The following DPP6 variants were observed in gnomAD, a reference collection of about 807,000 sequenced individuals.
The protein encoded by DPP6 is A-type potassium channel modulatory protein DPP6.
Under a neutral mutation model 122.6 loss-of-function variants are expected in DPP6, and 69 were observed. The observed-to-expected ratio is 0.56, with a 90% CI of 0.46 to 0.69. The LOEUF is 0.69. Ranked by LOEUF, DPP6 falls within the 30% of genes least tolerant of loss-of-function variation. The probability of loss-of-function intolerance (pLI) is 0.00; values close to 1 mark genes in which losing one functional copy is unlikely to be tolerated. For missense variants in DPP6, 928 were observed against 1,116.9 expected (o/e 0.83, Z 2.41); for synonymous variants, 418 against 433.1 (o/e 0.97, Z 0.43).
At position 154,282,399 on chromosome 7, in the gene DPP6, G is replaced by A. The variant is rs766680969; in HGVS notation, c.244-163815G>A. On this transcript the variant is annotated intron_variant, in intron 1 of 25. Transcript: ENST00000377770. The surrounding 1 kb of genome is among the most constrained non-coding windows in gnomAD (Gnocchi z 4.8). Reference sequence around the variant, plus strand: ...CACTGTTAACTGAGCAGAGGCAGCCGTACCTGGGGTGCTGATTAGCACTGT... The same window carrying A: ...CACTGTTAACTGAGCAGAGGCAGCCATACCTGGGGTGCTGATTAGCACTGT... Among the ~76,000 whole-genome samples the A allele has an allele frequency of 1.8e-4, 28 of 152,194 alleles. No homozygotes were observed. The highest frequency in any genetic ancestry group is 3.4e-4 in the Non-Finnish European group (23 of 68,044).
At chr7:154,412,275 G>C (rs1047311132) in intron 1 of DPP6, among the ~76,000 whole-genome samples, 2 of 152,144 alleles carry the variant, frequency 1.3e-5, no homozygotes, top group Admixed American at 6.6e-5. Context: ...ATACAGTTCA[G>C]GGGCTGCAAG....
the DPP6 span, among the ~76,000 whole-genome samples, chr7:153,831,819 G>C: frequency 6.6e-6 from 1 of 152,194 alleles, no homozygotes; most frequent in Non-Finnish European, 1.5e-5. Context: ...AGACCAGAGA[G>C]GGAAGAAGAT....
At chr7:154,237,950 T>C (rs1801325787) in intron 1 of DPP6, among the ~76,000 whole-genome samples, 1 of 152,194 alleles carries the variant, frequency 6.6e-6, no homozygotes, top group South Asian at 2.1e-4. Flanking sequence ...GAATGAGATG[T>C]CTGAGGACAC....
Position 154,803,962 on chromosome 7 carries a change from G to A in DPP6, c.1499+7G>A, listed in dbSNP as rs768612149. On this transcript the variant is annotated splice_region_variant and intron_variant, in intron 14 of 25. Coordinates refer to ENST00000377770, the MANE Select transcript of DPP6 (RefSeq NM_130797.4). Reference sequence around the variant, plus strand: ...ATGAGAAGGGGAATAAGATGTGAGTGAGAACCAGGGGCCTGCCCCATCTTA... The same window carrying A: ...ATGAGAAGGGGAATAAGATGTGAGTAAGAACCAGGGGCCTGCCCCATCTTA... 1.2e-6 allele frequency: 2 copies of A among 1,612,834 alleles called. No individual in the cohort carries two copies. Among genetic ancestry groups the A allele is most frequent in the Admixed American group, 3.3e-5 (2 of 59,916 alleles).
intron 1 of DPP6, among the ~76,000 whole-genome samples, chr7:154,211,850 G>A (rs75016295): frequency 0.014 from 2,182 of 152,252 alleles, 20 homozygotes; most frequent in Non-Finnish European, 0.025. Context: ...GGTCCACACA[G>A]GGAAGGGACA....
the DPP6 span, among the ~76,000 whole-genome samples, chr7:153,749,681 G>T: frequency 6.6e-6 from 1 of 152,242 alleles, no homozygotes; most frequent in South Asian, 2.1e-4. This position sits in a 1 kb window ranked among gnomAD's most constrained non-coding sequence, Gnocchi z 4.1. Flanking sequence ...TCCGGATTTC[G>T]CACGGATCCT....
chr7:154,613,619 C>CAAAAAAAA (rs749561005), intron 5 of DPP6, among the ~76,000 whole-genome samples: 11 of 51,830 alleles, frequency 2.1e-4, no homozygotes, highest in African/African-American at 9.1e-4. Context: ...GACTCTGTCT[C>CAAAAAAAA]AAAAAAAAAA....
At chr7:154,680,687 T>TATATA (rs1491477801) in intron 7 of DPP6, among the ~76,000 whole-genome samples, 2,860 of 20,436 alleles carry the variant, frequency 0.14, 86 homozygotes, top group African/African-American at 0.2. Flanking sequence ...TATATATATA[T>TATATA]TTTTTTTAAA....
the DPP6 span, among the ~76,000 whole-genome samples, chr7:153,774,233 C>T: frequency 7.9e-5 from 12 of 152,092 alleles, no homozygotes; most frequent in African/African-American, 1.2e-4. Flanking sequence ...GCTACAAGTC[C>T]GAAGGCTTTT....
At position 154,606,085 on chromosome 7, in the gene DPP6, T is replaced by C. The variant is rs1268593676; in HGVS notation, c.628-31736T>C. 5.0e-5 allele frequency among the ~76,000 whole-genome samples: 6 copies of C among 120,552 alleles called. 3 individuals are homozygous for C. Among genetic ancestry groups the C allele is most frequent in the Non-Finnish European group, 1.1e-4 (6 of 53,444 alleles). The allele number at this position is 120,552 out of a possible 152,430, so 79.1% of individuals were successfully genotyped here. ...AAATTTCTGTATATTTGAGACTTTG[T>C]ATTTGATCAATTTTCATGACAAGGA... On this transcript the variant is annotated intron_variant, in intron 5 of 25. Coordinates refer to ENST00000377770, the MANE Select transcript of DPP6 (RefSeq NM_130797.4).
chr7:154,739,490 G>T (rs1290758822), intron 8 of DPP6, among the ~76,000 whole-genome samples: 7 of 152,148 alleles, frequency 4.6e-5, no homozygotes, highest in Non-Finnish European at 1.0e-4. Flanking sequence ...TGTCTGCCCG[G>T]ATCACAAATG....
rs797018014 is a variant in DPP6 at position 153,969,640 on chromosome 7, C to G, written c.51+81906C>G. Reference sequence around the variant, plus strand: ...CACAGTAAGTTCATATTCTACTGCTCTCCCTCTCTTTCTTAAATTTTTCTA... The same window carrying G: ...CACAGTAAGTTCATATTCTACTGCTGTCCCTCTCTTTCTTAAATTTTTCTA... On this transcript the variant is annotated intron_variant, in intron 1 of 25. Coordinates refer to the DPP6 transcript ENST00000404039. 4.7e-5 allele frequency among the ~76,000 whole-genome samples: 7 copies of G among 149,026 alleles called. 1 individual carries two copies. The highest frequency in any genetic ancestry group is 1.8e-4 in the African/African-American group (7 of 38,432).
At chr7:154,881,022 A>C (rs920215418) in intron 21 of DPP6, 80 bp downstream of exon 21, 1 of 1,519,666 alleles carries the variant, frequency 6.6e-7, no homozygotes, top group East Asian at 2.4e-5. Flanking sequence ...ATCCTGATTT[A>C]TTGAGAACGT....
chr7:154,484,990 T>A (rs1044668161), intron 3 of DPP6, among the ~76,000 whole-genome samples: 1 of 151,808 alleles, frequency 6.6e-6, no homozygotes, highest in Admixed American at 6.6e-5. Flanking sequence ...GCTTATGGGG[T>A]TAGGTAGAGG....
chr7:154,595,839 T>A (rs1833058817), intron 5 of DPP6, among the ~76,000 whole-genome samples: 1 of 152,160 alleles, frequency 6.6e-6, no homozygotes, highest in African/African-American at 2.4e-5. Flanking sequence ...GGCGGGCAGA[T>A]CACAAGGTCA....
the DPP6 span, among the ~76,000 whole-genome samples, chr7:153,872,954 T>A: frequency 6.6e-6 from 1 of 152,244 alleles, no homozygotes; most frequent in African/African-American, 2.4e-5. Context: ...CATTTTGCAC[T>A]GCTACAAAGA....
At chr7:153,865,753 T>C in the DPP6 span, among the ~76,000 whole-genome samples, 1 of 152,032 alleles carries the variant, frequency 6.6e-6, no homozygotes, top group East Asian at 1.9e-4. Context: ...CTGCAACCAT[T>C]AACTCGTCAT....
At chr7:154,151,703 T>C (rs1183681881) in intron 1 of DPP6, among the ~76,000 whole-genome samples, 1 of 151,980 alleles carries the variant, frequency 6.6e-6, no homozygotes, top group Non-Finnish European at 1.5e-5. Flanking sequence ...CGACTGCAGC[T>C]GGTCTCCAGT....
intron 1 of DPP6, among the ~76,000 whole-genome samples, chr7:154,071,530 A>T (rs1380141678): frequency 6.6e-6 from 1 of 152,200 alleles, no homozygotes; most frequent in African/African-American, 2.4e-5. Flanking sequence ...ATGGGGAAAA[A>T]CTTGATTCCT....
Sources: allele counts gnomAD v4.1 joint callset (sites outside exome capture counted in the v4.1 genomes callset), GRCh38; gene constraint gnomAD v4.1.1; non-coding constraint Gnocchi (gnomAD v3.1); transcripts MANE v1.5; gene names NCBI Gene and HGNC (gene_info 2026-07-23, HGNC 2026-07-21).